MACROD2: variants seen among roughly 807,000 people sequenced by gnomAD.
The protein encoded by MACROD2 is mono-ADP ribosylhydrolase 2, also known as ADP-ribose glycohydrolase MACROD2.
A neutral mutation model predicts 70.4 loss-of-function variants in MACROD2; 36 were observed. The ratio of observed to expected loss-of-function variants is 0.51; its 90% CI spans 0.39 to 0.68. The LOEUF is 0.68. Ranked by LOEUF, MACROD2 falls within the 30% of genes least tolerant of loss-of-function variation. The pLI, the probability that MACROD2 is intolerant of heterozygous loss-of-function variation, is 0.00. For synonymous variants in MACROD2, 172 were observed against 178.8 expected (o/e 0.96, Z 0.30); for missense variants, 496 against 538.4 (o/e 0.92, Z 0.78).
intron 5 of MACROD2, among the ~76,000 whole-genome samples, chr20:15,211,359 G>T (rs2076762084): frequency 6.6e-6 from 1 of 152,100 alleles, no homozygotes; most frequent in African/African-American, 2.4e-5. Context: ...ACATTGAGTT[G>T]TTTCCATTTT....
rs866602999 is a variant in MACROD2 at position 15,876,111 on chromosome 20, A to G, written c.728-9653A>G. Among the ~76,000 whole-genome samples the G allele has an allele frequency of 1.2e-3, 166 of 138,844 alleles. 4 individuals are homozygous for G. Among genetic ancestry groups the G allele is most frequent in the African/African-American group, 4.3e-3 (149 of 34,792 alleles). 91.1% of individuals were successfully genotyped at this position (138,844 alleles called of 152,430 possible). On this transcript the variant is annotated intron_variant, in intron 9 of 17. Transcript: ENST00000684519. Reference sequence around the variant, plus strand: ...GTCTTTTATATATATATATATATATATGTGTGTATTTTTTTTATTACACTG... The same window carrying G: ...GTCTTTTATATATATATATATATATGTGTGTGTATTTTTTTTATTACACTG...
intron 8 of MACROD2, among the ~76,000 whole-genome samples, chr20:15,529,765 C>A (rs2047772232): frequency 6.6e-6 from 1 of 152,156 alleles, no homozygotes; most frequent in Admixed American, 6.5e-5. Context: ...TATCCGCCCC[C>A]CCCACCTTTG....
At chr20:14,104,059 A>G (rs2054336050) in intron 3 of MACROD2, among the ~76,000 whole-genome samples, 1 of 152,182 alleles carries the variant, frequency 6.6e-6, no homozygotes, top group Admixed American at 6.5e-5. Flanking sequence ...ATACACACAC[A>G]TAACCAAATA....
At chr20:14,325,077 T>G (rs921270402) in intron 3 of MACROD2, 2 of 152,704 alleles carry the variant, frequency 1.3e-5, no homozygotes, top group Non-Finnish European at 2.9e-5. Flanking sequence ...TAACCATTTT[T>G]TAAAATTAAA....
intron 3 of MACROD2, among the ~76,000 whole-genome samples, chr20:14,289,439 T>A (rs950095755): frequency 1.3e-5 from 2 of 152,250 alleles, no homozygotes; most frequent in Non-Finnish European, 2.9e-5. Context: ...GGAAGTCTTC[T>A]GCCCTTCAGT....
chr20:14,969,614 G>A (rs1276303217), intron 5 of MACROD2, among the ~76,000 whole-genome samples: 4 of 152,068 alleles, frequency 2.6e-5, no homozygotes, highest in Non-Finnish European at 5.9e-5. Flanking sequence ...GACTGTGGGA[G>A]ACAATTTCTT....
At chr20:14,082,182 T>TTTC (rs1569150632) in intron 2 of MACROD2, among the ~76,000 whole-genome samples, 1 of 126,984 alleles carries the variant, frequency 7.9e-6, no homozygotes, top group Non-Finnish European at 1.6e-5. Flanking sequence ...TTTTTCTTTT[T>TTTC]TTTTTTTTTT....
intron 4 of MACROD2, among the ~76,000 whole-genome samples, chr20:14,624,982 A>G (rs895400358): frequency 1.3e-5 from 2 of 152,152 alleles, no homozygotes; most frequent in Non-Finnish European, 2.9e-5. Flanking sequence ...GAATATACAC[A>G]AATTCATGGT....
In MACROD2 at chr20:15,162,544, G is replaced by C. The variant is rs1212124308; in HGVS notation, c.419-67396G>C. Among the ~76,000 whole-genome samples the C allele has an allele frequency of 2.0e-5, 3 of 152,094 alleles. No homozygotes were observed. The East Asian group carries it at 5.8e-4, about 29-fold the overall frequency. ...ACTAAAACTCAGAATTCTTCTTGAG[G>C]ATTTGTAACTATCGACATTGCTTCT... On this transcript the variant is annotated intron_variant, in intron 5 of 17. Coordinates refer to ENST00000684519, the MANE Select transcript of MACROD2 (RefSeq NM_001351661.2).
chr20:15,159,660 T>G (rs1198913415), intron 5 of MACROD2, among the ~76,000 whole-genome samples: 1 of 152,026 alleles, frequency 6.6e-6, no homozygotes, highest in African/African-American at 2.4e-5. Flanking sequence ...AGAATGATTT[T>G]TTTTCCTGCC....
chr20:15,157,688 C>T (rs997601724), intron 5 of MACROD2, among the ~76,000 whole-genome samples: 10 of 152,206 alleles, frequency 6.6e-5, no homozygotes, highest in Non-Finnish European at 1.5e-4. Flanking sequence ...ACACACTGAC[C>T]TCTATGAATT....
At chr20:15,317,234 G>C (rs1279641569) in intron 6 of MACROD2, among the ~76,000 whole-genome samples, 1 of 151,980 alleles carries the variant, frequency 6.6e-6, no homozygotes, top group Non-Finnish European at 1.5e-5. Context: ...ATAGAGGATA[G>C]AAAAACATCA....
At chr20:15,848,761 G>A (rs546996950) in intron 8 of MACROD2, among the ~76,000 whole-genome samples, 1 of 152,240 alleles carries the variant, frequency 6.6e-6, no homozygotes, top group South Asian at 2.1e-4. Flanking sequence ...TTTTCCTCAA[G>A]TGGTCTTTCC....
intron 10 of MACROD2, among the ~76,000 whole-genome samples, chr20:15,900,662 C>A (rs976278973): frequency 6.6e-6 from 1 of 152,186 alleles, no homozygotes; most frequent in Non-Finnish European, 1.5e-5. Context: ...TGGGAACGAT[C>A]CCAATTTATG....
intron 3 of MACROD2, among the ~76,000 whole-genome samples, chr20:14,231,067 C>G (rs2081806617): frequency 6.6e-6 from 1 of 151,454 alleles, no homozygotes; most frequent in East Asian, 2.0e-4. Context: ...AACAAATGTG[C>G]TGTCATCCAA....
intron 3 of MACROD2, among the ~76,000 whole-genome samples, chr20:14,114,689 A>AAC (rs2054494202): frequency 6.6e-6 from 1 of 152,138 alleles, no homozygotes; most frequent in East Asian, 1.9e-4. Flanking sequence ...CCTATGATAT[A>AAC]ACTCCAGGAA....
intron 8 of MACROD2, among the ~76,000 whole-genome samples, chr20:15,763,909 A>G (rs754407689): frequency 5.3e-5 from 8 of 152,250 alleles, no homozygotes; most frequent in Non-Finnish European, 1.0e-4. Flanking sequence ...TCTGTGAAAC[A>G]TACCCTAATT....
intron 8 of MACROD2, among the ~76,000 whole-genome samples, chr20:15,766,672 T>A (rs2051530954): frequency 6.6e-6 from 1 of 152,186 alleles, no homozygotes; most frequent in Admixed American, 6.5e-5. Flanking sequence ...AGAAGGGAGA[T>A]GACTCAAGCC....
At chr20:14,996,166 T>G (rs1021910269) in intron 5 of MACROD2, among the ~76,000 whole-genome samples, 34 of 152,272 alleles carry the variant, frequency 2.2e-4, no homozygotes, top group African/African-American at 8.2e-4. Context: ...CTGATAGACT[T>G]GTACTACTAA....
Sources: allele counts gnomAD v4.1 joint callset (sites outside exome capture counted in the v4.1 genomes callset), GRCh38; gene constraint gnomAD v4.1.1; transcripts MANE v1.5; gene names NCBI Gene and HGNC (gene_info 2026-07-23, HGNC 2026-07-21).